BBS9: variants seen among roughly 807,000 people sequenced by gnomAD.
The protein encoded by BBS9 is protein PTHB1.
A neutral mutation model predicts 117.7 loss-of-function variants in BBS9; 89 were observed. The observed-to-expected ratio is 0.76, with a 90% CI of 0.64 to 0.90. The LOEUF (loss-of-function observed/expected upper bound fraction) is 0.90, where lower values mean the gene tolerates loss of function less well. Ranked by LOEUF, BBS9 falls within the 40% of genes least tolerant of loss-of-function variation. BBS9 has a pLI of 0.00. For missense variants in BBS9, 982 were observed against 1,042.2 expected, an observed-to-expected ratio of 0.94 and a Z score of 0.80; for synonymous variants, 379 against 370.9, an observed-to-expected ratio of 1.02 and a Z score of -0.25.
chr7:33,324,703 C>G (rs1211364056), intron 9 of BBS9, among the ~76,000 whole-genome samples: 2 of 150,208 alleles, frequency 1.3e-5, no homozygotes, highest in Admixed American at 6.7e-5. Flanking sequence ...CTGGGATAAT[C>G]TTTATTTCTC....
intron 19 of BBS9, among the ~76,000 whole-genome samples, chr7:33,415,338 T>C (rs902052683): frequency 6.6e-6 from 1 of 152,158 alleles, no homozygotes; most frequent in Non-Finnish European, 1.5e-5. Context: ...TTGGAAAGCA[T>C]GTATAAGAGA....
intron 5 of BBS9, among the ~76,000 whole-genome samples, chr7:33,232,159 G>C (rs941568043): frequency 1.3e-5 from 2 of 151,902 alleles, no homozygotes; most frequent in African/African-American, 4.8e-5. Flanking sequence ...TTAGTTCTTT[G>C]GTACTATTAT....
rs12669656 is a variant in BBS9 at position 33,461,622 on chromosome 7, G to A, written c.2116-43841G>A. On this transcript the variant is annotated intron_variant, in intron 19 of 22. Transcript: ENST00000242067. ...ATAGCAGAAGTCAATTTAAATGTTCGGGCACAGTATCTATTTTCCATATGA... is the reference window on the plus strand; with the variant it reads ...ATAGCAGAAGTCAATTTAAATGTTCAGGCACAGTATCTATTTTCCATATGA... 0.018 allele frequency among the ~76,000 whole-genome samples: 2,749 copies of A among 151,734 alleles called. 206 individuals carry two copies. In the East Asian group the frequency reaches 0.26, roughly 14 times the overall value.
intron 5 of BBS9, among the ~76,000 whole-genome samples, chr7:33,244,465 C>A (rs1165023714): frequency 2.6e-5 from 4 of 152,098 alleles, no homozygotes; most frequent in Non-Finnish European, 5.9e-5. Flanking sequence ...CTTTTCTATC[C>A]TTTGGTATGT....
At chr7:33,144,030 G>A (rs2128088796) in intron 1 of BBS9, among the ~76,000 whole-genome samples, 1 of 151,974 alleles carries the variant, frequency 6.6e-6, no homozygotes, top group South Asian at 2.1e-4. Context: ...TTCCAGTTCT[G>A]TAGGAAACTG....
chr7:33,504,348 C>A (rs78733445), intron 19 of BBS9, among the ~76,000 whole-genome samples: 1 of 152,106 alleles, frequency 6.6e-6, no homozygotes, highest in Non-Finnish European at 1.5e-5. Context: ...CCAGTATCTC[C>A]GAGACACTCT....
rs551108034 is a variant in BBS9 at position 33,534,734 on chromosome 7, G to A, written c.2521+558G>A. The stretch of plus-strand genomic sequence containing the variant: ...CCTCCATGGGCAGTCAGTGATGGTC[G>A]TGGGCACCCAGGGCTGTCCTTCCCA... On this transcript the variant is annotated intron_variant, in intron 21 of 22. Transcript: ENST00000242067. Among the ~76,000 whole-genome samples the A allele has an allele frequency of 2.0e-3, 305 of 152,246 alleles. 2 individuals carry two copies. Among genetic ancestry groups the A allele is most frequent in the African/African-American group, 7.0e-3 (289 of 41,552 alleles).
intron 22 of BBS9, 61 bp downstream of exon 22, chr7:33,605,036 A>C: frequency 6.7e-7 from 1 of 1,501,382 alleles, no homozygotes; most frequent in Non-Finnish European, 9.3e-7. Context: ...CAATCTGGTC[A>C]GTTTTTGTCA....
chr7:33,268,817 C>G (rs17475728), intron 7 of BBS9, among the ~76,000 whole-genome samples: 25,171 of 152,120 alleles, frequency 0.17, 2,420 homozygotes, highest in Non-Finnish European at 0.22. Context: ...TGCCTGTTCA[C>G]TTTGGATAAA....
chr7:33,467,946 T>C (rs550153053), intron 19 of BBS9, among the ~76,000 whole-genome samples: 1 of 152,268 alleles, frequency 6.6e-6, no homozygotes, highest in Admixed American at 6.5e-5. Context: ...GCCTGGACCC[T>C]GGCAGAAGAT....
intron 19 of BBS9, among the ~76,000 whole-genome samples, chr7:33,471,385 A>G (rs1177941122): frequency 6.6e-6 from 1 of 152,244 alleles, no homozygotes; most frequent in Non-Finnish European, 1.5e-5. Flanking sequence ...TTAGCATAAA[A>G]AATGGCAAGT....
intron 1 of BBS9, among the ~76,000 whole-genome samples, chr7:33,137,428 G>C (rs534944797): frequency 6.6e-6 from 1 of 152,142 alleles, no homozygotes; most frequent in African/African-American, 2.4e-5. Flanking sequence ...GGTAGGGGGC[G>C]GGGCTCCTGC....
intron 21 of BBS9, among the ~76,000 whole-genome samples, chr7:33,599,750 T>A (rs1478931573): frequency 6.6e-6 from 1 of 152,174 alleles, no homozygotes; most frequent in Non-Finnish European, 1.5e-5. Flanking sequence ...GTTTTTAAAG[T>A]AATAACTTAA....
At chr7:33,622,678 C>A (rs1006136159) in intron 21 of BBS9, among the ~76,000 whole-genome samples, 2 of 152,064 alleles carry the variant, frequency 1.3e-5, no homozygotes, top group African/African-American at 2.4e-5. Flanking sequence ...AAAATTTGCT[C>A]CACCAGATAT....
At chr7:33,587,828 ACC>A (rs1861188897) in intron 21 of BBS9, among the ~76,000 whole-genome samples, 1 of 152,138 alleles carries the variant, frequency 6.6e-6, no homozygotes, top group Non-Finnish European at 1.5e-5. Context: ...TGTTTATGTT[ACC>A]AGAGTGTAAA....
rs577724923 is a variant in BBS9, at chr7:33,273,051, A to C, written c.742A>C (p.Ile248Leu). ...AAATATTGGAGAGCAAGCCCTTGAC[A>C]TATGTATTGTCTCTTTCAATCAGTC... Reference protein sequence around the residue: ...TLNIGEQALDICIVSFNQSAS... With the variant: ...TLNIGEQALDLCIVSFNQSAS... Residue 248 changes from isoleucine (I) to leucine (L), a missense_variant, in exon 8 of 23, where the codon ATA (isoleucine) becomes CTA (leucine). Transcript: ENST00000242067. 1 of 1,613,712 alleles carries C rather than the reference A, an allele frequency of 6.2e-7. No individual in the cohort carries two copies. The highest frequency in any genetic ancestry group is 1.7e-5 in the Admixed American group (1 of 60,010).
intron 15 of BBS9, among the ~76,000 whole-genome samples, chr7:33,355,379 A>G (rs1236859233): frequency 6.6e-6 from 1 of 151,876 alleles, no homozygotes; most frequent in Non-Finnish European, 1.5e-5. Context: ...AAATCCTTGG[A>G]TTTTAATTTG....
At chr7:33,237,555 T>C (rs146455436) in intron 5 of BBS9, among the ~76,000 whole-genome samples, 1 of 152,286 alleles carries the variant, frequency 6.6e-6, no homozygotes, top group Non-Finnish European at 1.5e-5. Flanking sequence ...TATGTGTTGA[T>C]CTTGTGGTGG....
intron 9 of BBS9, among the ~76,000 whole-genome samples, chr7:33,327,612 T>C (rs921396095): frequency 1.3e-5 from 2 of 152,190 alleles, no homozygotes; most frequent in African/African-American, 4.8e-5. Flanking sequence ...GGCAGGTCAC[T>C]TGAGCCCTGG....
Sources: allele counts gnomAD v4.1 joint callset (sites outside exome capture counted in the v4.1 genomes callset), GRCh38; gene constraint gnomAD v4.1.1; transcripts MANE v1.5; gene names NCBI Gene and HGNC (gene_info 2026-07-23, HGNC 2026-07-21).